STMN2: variants seen among roughly 807,000 people sequenced by gnomAD.
The protein encoded by STMN2 is stathmin-2.
A neutral mutation model predicts 24.1 loss-of-function variants in STMN2; 2 were observed. The ratio of observed to expected loss-of-function variants is 0.08; its 90% confidence interval spans 0.03 to 0.26. The LOEUF (loss-of-function observed/expected upper bound fraction) is 0.26, where lower values mean the gene tolerates loss of function less well. Ranked by LOEUF, STMN2 falls within the 10% of genes least tolerant of loss-of-function variation. The pLI is 1.00. For synonymous variants in STMN2, 83 were observed against 77.5 expected, an observed-to-expected ratio of 1.07 and a Z score of -0.37; for missense variants, 114 against 213.6, an observed-to-expected ratio of 0.53 and a Z score of 2.91.
At chr8:79,621,494 G>A (rs1316868304) in intron 1 of STMN2, among the ~76,000 whole-genome samples, 3 of 152,182 alleles carry the variant, frequency 2.0e-5, no homozygotes, top group Non-Finnish European at 2.9e-5. Context: ...AGCATCAGAC[G>A]TTTTGCAGTT....
chr8:79,646,426 A>G (rs1810219435), intron 3 of STMN2, among the ~76,000 whole-genome samples: 2 of 151,462 alleles, frequency 1.3e-5, no homozygotes, highest in East Asian at 3.8e-4. Flanking sequence ...TATTATTACT[A>G]TATATAATAA....
At chr8:79,627,151 A>G (rs1298689123) in intron 1 of STMN2, among the ~76,000 whole-genome samples, 1 of 152,186 alleles carries the variant, frequency 6.6e-6, no homozygotes, top group Non-Finnish European at 1.5e-5. Flanking sequence ...AAAACCATGA[A>G]TCCCCCTTTT....
At chr8:79,644,009 A>G (rs948666125) in intron 3 of STMN2, among the ~76,000 whole-genome samples, 9 of 152,128 alleles carry the variant, frequency 5.9e-5, no homozygotes, top group Admixed American at 3.3e-4. Flanking sequence ...AGAAAATACA[A>G]CTAATTAGCA....
chr8:79,660,146 A>C (rs1428041134), intron 4 of STMN2, among the ~76,000 whole-genome samples: 1 of 152,202 alleles, frequency 6.6e-6, no homozygotes, highest in Admixed American at 6.5e-5. Flanking sequence ...CTTTCCTCTC[A>C]AGCAATTCAG....
rs577069369 is a variant in STMN2 at position 79,644,849 on chromosome 8, G to C, written c.288+3299G>C. On this transcript the variant is annotated intron_variant, in intron 3 of 4. Coordinates refer to ENST00000220876, the MANE Select transcript of STMN2 (RefSeq NM_007029.4). Reference sequence around the variant, plus strand: ...CTAGGCAGCTCTGTGAAACAGTACTGTCCAAGGAATATAACGTGAGCCAGG... The same window carrying C: ...CTAGGCAGCTCTGTGAAACAGTACTCTCCAAGGAATATAACGTGAGCCAGG... Among the ~76,000 whole-genome samples the C allele has an allele frequency of 6.6e-5, 10 of 152,216 alleles. No homozygotes were observed. The East Asian group carries it at 1.9e-3, about 29-fold the overall frequency.
chr8:79,618,194 T>C (rs1207153273), intron 1 of STMN2, among the ~76,000 whole-genome samples: 1 of 152,226 alleles, frequency 6.6e-6, no homozygotes, highest in East Asian at 1.9e-4. Flanking sequence ...GAGAAAATAC[T>C]TCCAAATTGA....
intron 3 of STMN2, among the ~76,000 whole-genome samples, chr8:79,653,330 T>A (rs1017851214): frequency 2.6e-5 from 4 of 152,030 alleles, no homozygotes; most frequent in African/African-American, 9.7e-5. Flanking sequence ...TGAGCAGAGA[T>A]CACGCCACTG....
At chr8:79,633,244 T>C (rs1182028916) in intron 1 of STMN2, among the ~76,000 whole-genome samples, 1 of 152,182 alleles carries the variant, frequency 6.6e-6, no homozygotes, top group Non-Finnish European at 1.5e-5. Flanking sequence ...TTTAAGGATC[T>C]CCTTAGAATG....
intron 3 of STMN2, among the ~76,000 whole-genome samples, chr8:79,643,384 G>A (rs1305358387): frequency 6.6e-6 from 1 of 151,950 alleles, no homozygotes; most frequent in Non-Finnish European, 1.5e-5. Flanking sequence ...ACCTAAAACA[G>A]TGGAGAGCAT....
chr8:79,643,963 T>TG (rs1001776507), intron 3 of STMN2, among the ~76,000 whole-genome samples: 1 of 147,340 alleles, frequency 6.8e-6, no homozygotes, highest in Non-Finnish European at 1.5e-5. Flanking sequence ...TAGTTTTTTA[T>TG]GGTTTTTTTT....
At chr8:79,629,164 G>A (rs1464226143) in intron 1 of STMN2, among the ~76,000 whole-genome samples, 1 of 152,040 alleles carries the variant, frequency 6.6e-6, no homozygotes, top group African/African-American at 2.4e-5. Context: ...TCACCTCACA[G>A]GCTCTGTTAT....
intron 1 of STMN2, among the ~76,000 whole-genome samples, chr8:79,622,304 T>A (rs1402198309): frequency 6.6e-6 from 1 of 152,100 alleles, no homozygotes; most frequent in Non-Finnish European, 1.5e-5. Context: ...AAAATATTAA[T>A]CCCCTTCCCT....
chr8:79,627,647 T>C (rs1010312757), intron 1 of STMN2, among the ~76,000 whole-genome samples: 1 of 152,260 alleles, frequency 6.6e-6, no homozygotes, highest in Non-Finnish European at 1.5e-5. Flanking sequence ...AGACATTAAT[T>C]TCTTTATGAA....
At chr8:79,646,237 T>C (rs1483542074) in intron 3 of STMN2, among the ~76,000 whole-genome samples, 1 of 152,032 alleles carries the variant, frequency 6.6e-6, no homozygotes, top group Non-Finnish European at 1.5e-5. Context: ...TCAACAGATA[T>C]TTATCAAGCA....
At chr8:79,613,392 G>C in intron 1 of STMN2, 2 of 985,416 alleles carry the variant, frequency 2.0e-6, no homozygotes, top group Non-Finnish European at 2.4e-6. Context: ...CCCCGGAGTT[G>C]GGCGCTCGCC....
intron 1 of STMN2, among the ~76,000 whole-genome samples, chr8:79,629,524 G>GA (rs1042501565): frequency 6.6e-6 from 1 of 152,150 alleles, no homozygotes; most frequent in Non-Finnish European, 1.5e-5. Context: ...AGTGGGGTTT[G>GA]AAAAATGCAA....
chr8:79,646,894 A>G (rs1810229809), intron 3 of STMN2, among the ~76,000 whole-genome samples: 1 of 152,196 alleles, frequency 6.6e-6, no homozygotes, highest in South Asian at 2.1e-4. Context: ...CACAGAGGCG[A>G]GAATGCAGAA....
intron 1 of STMN2, chr8:79,613,659 T>C: frequency 1.0e-6 from 1 of 985,472 alleles, no homozygotes; most frequent in Non-Finnish European, 1.2e-6. Context: ...TTGTTCTCAT[T>C]TGTTCAAAAG....
rs78999928 is a variant in STMN2, at chr8:79,643,805, A to C, written c.288+2255A>C. On this transcript the variant is annotated intron_variant, in intron 3 of 4. Coordinates refer to ENST00000220876, the MANE Select transcript of STMN2 (RefSeq NM_007029.4). ...ATGGTTAAAAGACATTTACAAATGT[A>C]ATCATCCAGTGTTATGATGCCCAGA... 1.8e-3 allele frequency among the ~76,000 whole-genome samples: 268 copies of C among 152,302 alleles called. 4 individuals are homozygous for C. The East Asian group carries it at 0.046, about 26-fold the overall frequency.
Sources: gnomAD v4.1 joint callset for allele counts (sites outside exome capture counted in the v4.1 genomes callset) on GRCh38, gnomAD v4.1.1 for gene constraint, MANE v1.5 for transcripts, NCBI Gene and HGNC (gene_info 2026-07-23, HGNC 2026-07-21) for gene names.